Variants in SLC41A3 observed in about 807,000 individuals in gnomAD.
SLC41A3 encodes SLC41A1-like 2.
A neutral mutation model predicts 45.4 loss-of-function variants in SLC41A3; 44 were observed. That is an observed-to-expected ratio of 0.97 (90% CI 0.76 to 1.25). SLC41A3 has a LOEUF of 1.25. Among genes scored for constraint, SLC41A3 ranks in the 50% most tolerant of loss-of-function variants. The pLI is 0.00. For synonymous variants in SLC41A3, 256 were observed against 252.4 expected (o/e 1.01, Z -0.13); for missense variants, 550 against 600.6 (o/e 0.92, Z 0.88).
intron 3 of SLC41A3, among the ~76,000 whole-genome samples, chr3:126,034,662 G>C (rs1313781553): frequency 6.6e-6 from 1 of 152,222 alleles, no homozygotes; most frequent in Non-Finnish European, 1.5e-5. Context: ...GGCGTGCTGA[G>C]CACGAGTGGC....
intron 2 of SLC41A3, among the ~76,000 whole-genome samples, chr3:126,061,286 A>G (rs138281201): frequency 1.9e-3 from 295 of 152,210 alleles, no homozygotes; most frequent in African/African-American, 6.9e-3. Context: ...TCTGCTTCTG[A>G]TCTCGACTGG....
intron 1 of SLC41A3, among the ~76,000 whole-genome samples, chr3:126,079,504 T>G (rs941663951): frequency 6.6e-6 from 1 of 152,010 alleles, no homozygotes; most frequent in African/African-American, 2.4e-5. Context: ...ATGGAGAAAC[T>G]GACACAGGAT....
intron 8 of SLC41A3, 113 bp downstream of exon 8, chr3:126,015,381 C>G: frequency 9.5e-7 from 1 of 1,047,302 alleles, no homozygotes; most frequent in Non-Finnish European, 1.4e-6. Context: ...CTCAGCTGCC[C>G]AACTGCCTGT....
intron 3 of SLC41A3, among the ~76,000 whole-genome samples, chr3:126,035,037 G>T (rs1173654570): frequency 6.6e-6 from 1 of 152,228 alleles, no homozygotes; most frequent in Non-Finnish European, 1.5e-5. Context: ...GAGACCAAGA[G>T]GTAAAGCGGT....
intron 3 of SLC41A3, among the ~76,000 whole-genome samples, chr3:126,047,646 GGA>G (rs1444605309): frequency 6.6e-6 from 1 of 152,192 alleles, no homozygotes; most frequent in Non-Finnish European, 1.5e-5. Context: ...AATGGGAAAA[GGA>G]GAGTCTTCAA....
At chr3:126,009,684 A>G (rs1222923850) in intron 9 of SLC41A3, among the ~76,000 whole-genome samples, 2 of 152,252 alleles carry the variant, frequency 1.3e-5, no homozygotes, top group Admixed American at 6.5e-5. Context: ...AGTGCAGAAG[A>G]GCAACGACAT....
At chr3:126,043,818 A>C (rs1359750193) in intron 3 of SLC41A3, among the ~76,000 whole-genome samples, 2 of 82,088 alleles carry the variant, frequency 2.4e-5, no homozygotes, top group East Asian at 1.2e-3. Context: ...AAAAACAAAA[A>C]AACAAAAAAA....
chr3:126,012,872 T>C (rs1342809538), intron 8 of SLC41A3, 123 bp from the exon 9 acceptor site: 3 of 1,410,872 alleles, frequency 2.1e-6, no homozygotes, highest in Non-Finnish European at 2.9e-6. Context: ...CATTATCTTT[T>C]CCTTTCCTCC....
At chr3:126,059,419 C>T (rs971966198) in intron 2 of SLC41A3, among the ~76,000 whole-genome samples, 3 of 151,970 alleles carry the variant, frequency 2.0e-5, no homozygotes, top group African/African-American at 4.8e-5. Context: ...AAGGAATGCC[C>T]GTAACACTCA....
intron 10 of SLC41A3, 122 bp downstream of exon 10, chr3:126,008,610 G>T: frequency 7.3e-7 from 1 of 1,364,578 alleles, no homozygotes; most frequent in Non-Finnish European, 1.0e-6. Flanking sequence ...GGAAGATAAG[G>T]ACTGTGCCCC....
At position 126,008,760 on chromosome 3, in the gene SLC41A3, A is replaced by C; in HGVS notation, c.1226T>G (p.Val409Gly). The C allele has an allele frequency of 6.2e-7, 1 of 1,614,064 alleles. No homozygotes were observed. The highest frequency in any genetic ancestry group is 8.5e-7 in the Non-Finnish European group (1 of 1,179,954). Reference protein sequence around the residue: ...QSVINSQTFVVLYLLAGLIQV... With the variant: ...QSVINSQTFVGLYLLAGLIQV... ...GATCAGGCCTGCCAGCAGGTAGAGC[A>C]CCACAAAGGTCTGGCTGTTTATGAC... The change falls in exon 10 of 11, where the codon GTG becomes GGG. Residue 409 changes from valine (V) to glycine (G), a missense_variant. By Grantham distance (109) the Val-to-Gly change is moderately radical. Transcript: ENST00000360370.
intron 10 of SLC41A3, among the ~76,000 whole-genome samples, chr3:126,007,966 T>A (rs1475267228): frequency 6.6e-6 from 1 of 152,184 alleles, no homozygotes; most frequent in Non-Finnish European, 1.5e-5. Context: ...CAGCTTAATC[T>A]CCTTCACCAT....
At chr3:126,094,411 C>T (rs1238829431) in intron 1 of SLC41A3, among the ~76,000 whole-genome samples, 1 of 152,082 alleles carries the variant, frequency 6.6e-6, no homozygotes, top group East Asian at 1.9e-4. Context: ...AGTTACTGAA[C>T]AATTAGGAAA....
At chr3:126,039,091 C>G (rs780480231) in intron 3 of SLC41A3, among the ~76,000 whole-genome samples, 1 of 152,212 alleles carries the variant, frequency 6.6e-6, no homozygotes, top group Non-Finnish European at 1.5e-5. Context: ...TCACCAGAAG[C>G]AGATGCTGGC....
chr3:126,006,591 G>A lies in SLC41A3; in HGVS notation c.*425C>T. On this transcript the variant is annotated 3_prime_UTR_variant, in exon 11 of 11. Transcript: ENST00000360370. ...TGGTGAAGACAGCAAGTAAGCCACAGCTCAAGAGTTCTGAGGCTTGGGAAC... is the reference window on the plus strand; with the variant it reads ...TGGTGAAGACAGCAAGTAAGCCACAACTCAAGAGTTCTGAGGCTTGGGAAC... 1 of 1,582,290 alleles carries A rather than the reference G, an allele frequency of 6.3e-7. No individual in the cohort carries two copies. The highest frequency in any genetic ancestry group is 8.5e-7 in the Non-Finnish European group (1 of 1,170,474).
chr3:126,060,061 A>G (rs1164674438), intron 2 of SLC41A3, among the ~76,000 whole-genome samples: 1 of 152,234 alleles, frequency 6.6e-6, no homozygotes, highest in Non-Finnish European at 1.5e-5. Context: ...ACTCTCATAT[A>G]GAAAGAGGTG....
intron 3 of SLC41A3, among the ~76,000 whole-genome samples, chr3:126,036,367 T>C (rs1401243538): frequency 1.3e-5 from 2 of 152,076 alleles, no homozygotes; most frequent in Non-Finnish European, 2.9e-5. Context: ...TGGGGAGCCA[T>C]TGGGAGGATA....
intron 1 of SLC41A3, among the ~76,000 whole-genome samples, chr3:126,076,288 C>T (rs1944876808): frequency 6.6e-6 from 1 of 152,216 alleles, no homozygotes; most frequent in Admixed American, 6.5e-5. Flanking sequence ...TAAGATACCA[C>T]CTAACATAAT....
chr3:126,049,343 C>T lies in SLC41A3; in HGVS notation c.381+1600G>A, dbSNP rs990877418. On this transcript the variant is annotated intron_variant, in intron 3 of 10. Coordinates refer to ENST00000360370, the MANE Select transcript of SLC41A3 (RefSeq NM_017836.4). ...CTCTGCTAAAAATACAAAAATTGGC[C>T]GGGTGTGATGGCACACACCTGTAAT... Among the ~76,000 whole-genome samples the T allele has an allele frequency of 2.6e-5, 4 of 151,998 alleles. 1 individual carries two copies. Among genetic ancestry groups the T allele is most frequent in the Admixed American group, 2.6e-4 (4 of 15,250 alleles).
Sources: gnomAD v4.1 joint callset for allele counts (sites outside exome capture counted in the v4.1 genomes callset) on GRCh38, gnomAD v4.1.1 for gene constraint, MANE v1.5 for transcripts, NCBI Gene and HGNC (gene_info 2026-07-23, HGNC 2026-07-21) for gene names.